The following SOX6 variants were observed in gnomAD, a reference collection of about 807,000 sequenced individuals.
SOX6 encodes the protein transcription factor SOX-6.
In SOX6, 11 loss-of-function variants were observed where a neutral mutation model predicts 97.8. The ratio of observed to expected loss-of-function variants is 0.11; its 90% CI spans 0.07 to 0.19. SOX6 has a LOEUF of 0.19. SOX6 is among the 10% of genes least tolerant of loss of function. The probability of loss-of-function intolerance (pLI) is 1.00; values close to 1 mark genes in which losing one functional copy is unlikely to be tolerated. For synonymous variants in SOX6, 360 were observed against 371.4 expected (o/e 0.97, Z 0.35); for missense variants, 810 against 1,039.5 (o/e 0.78, Z 3.04).
At chr11:16,329,684 A>C (rs985471075) in intron 2 of SOX6, among the ~76,000 whole-genome samples, 6 of 152,216 alleles carry the variant, frequency 3.9e-5, no homozygotes, top group African/African-American at 1.2e-4. Flanking sequence ...TAAATGATTT[A>C]ATAAAAATAA....
intron 1 of SOX6, among the ~76,000 whole-genome samples, chr11:16,386,964 C>T (rs890984547): frequency 1.3e-5 from 2 of 152,094 alleles, no homozygotes; most frequent in Non-Finnish European, 2.9e-5. Context: ...ATGTGAGTCA[C>T]TAAAATTATA....
chr11:16,691,335 C>A (rs1848011534), intron 3 of SOX6, among the ~76,000 whole-genome samples: 1 of 152,124 alleles, frequency 6.6e-6, no homozygotes. Context: ...CAAAGGCAAG[C>A]AAATTAAGGA....
chr11:16,583,359 T>A (rs547108700), intron 4 of SOX6, among the ~76,000 whole-genome samples: 1 of 151,668 alleles, frequency 6.6e-6, no homozygotes, highest in Admixed American at 6.6e-5. Flanking sequence ...CACCATGCAG[T>A]GCTGTAGAAC....
rs939979774 is a variant in SOX6 at position 16,148,000 on chromosome 11, T to C, written c.777+35886A>G. Among the ~76,000 whole-genome samples the C allele has an allele frequency of 2.0e-5, 3 of 152,196 alleles. No individual in the cohort carries two copies. In the East Asian group the frequency reaches 5.8e-4, roughly 29 times the overall value. ...CATAACTACTTTGTCAAAGCATCTT[T>C]TTATACATACACCAAATGCTAGTTA... On this transcript the variant is annotated intron_variant, in intron 6 of 15. Coordinates refer to ENST00000683767, the MANE Select transcript of SOX6 (RefSeq NM_001367873.1).
intron 12 of SOX6, among the ~76,000 whole-genome samples, chr11:16,016,809 C>T (rs184975274): frequency 5.3e-5 from 8 of 152,122 alleles, no homozygotes; most frequent in Non-Finnish European, 7.4e-5. Flanking sequence ...AATGCTTTCC[C>T]TATGTTAAAT....
intron 9 of SOX6, among the ~76,000 whole-genome samples, chr11:16,062,527 C>T (rs954013774): frequency 7.3e-5 from 11 of 151,394 alleles, no homozygotes; most frequent in Admixed American, 7.3e-4. Context: ...AGCCAAAGTC[C>T]CATAAACATT....
intron 1 of SOX6, among the ~76,000 whole-genome samples, chr11:16,401,958 C>T (rs1858570234): frequency 6.6e-6 from 1 of 151,400 alleles, no homozygotes; most frequent in Non-Finnish European, 1.5e-5. Flanking sequence ...ACACTTGTTC[C>T]TATATACTCT....
intron 3 of SOX6, among the ~76,000 whole-genome samples, chr11:16,629,152 G>A (rs1848668522): frequency 6.6e-6 from 1 of 152,200 alleles, no homozygotes; most frequent in Non-Finnish European, 1.5e-5. Context: ...TGGTATAACA[G>A]TGGGCATCCT....
At chr11:16,517,346 A>T (rs1860989806) in intron 4 of SOX6, among the ~76,000 whole-genome samples, 2 of 151,620 alleles carry the variant, frequency 1.3e-5, no homozygotes, top group Non-Finnish European at 2.9e-5. Context: ...AGGCAGGAGA[A>T]GGAAATAAAG....
intron 1 of SOX6, among the ~76,000 whole-genome samples, chr11:16,435,780 T>G (rs1859364517): frequency 6.6e-6 from 1 of 152,132 alleles, no homozygotes; most frequent in Non-Finnish European, 1.5e-5. Context: ...TTCTTCTCCC[T>G]TTTTGTTTCT....
intron 3 of SOX6, among the ~76,000 whole-genome samples, chr11:16,639,296 C>A (rs1260742229): frequency 2.0e-5 from 3 of 152,154 alleles, no homozygotes; most frequent in African/African-American, 7.2e-5. Context: ...GTACCAGTAC[C>A]ATGATGTTTT....
intron 9 of SOX6, among the ~76,000 whole-genome samples, chr11:16,060,058 A>G (rs557541474): frequency 1.3e-5 from 2 of 152,162 alleles, no homozygotes; most frequent in African/African-American, 4.8e-5. Flanking sequence ...TTTTACCTCA[A>G]TCATTAAAAA....
At chr11:16,295,197 T>G (rs1478478782) in intron 3 of SOX6, among the ~76,000 whole-genome samples, 3 of 152,128 alleles carry the variant, frequency 2.0e-5, no homozygotes, top group Admixed American at 6.6e-5. Context: ...TGCTATTTTT[T>G]CAAATCAAGA....
chr11:16,059,495 G>A (rs1387349177), intron 9 of SOX6, among the ~76,000 whole-genome samples: 1 of 151,780 alleles, frequency 6.6e-6, no homozygotes, highest in Non-Finnish European at 1.5e-5. Flanking sequence ...CTATCATTCA[G>A]ATGGACAAAT....
chr11:16,199,032 T>A (rs920541530), intron 4 of SOX6, among the ~76,000 whole-genome samples: 1 of 152,222 alleles, frequency 6.6e-6, no homozygotes, highest in African/African-American at 2.4e-5. Flanking sequence ...TACTACTGAT[T>A]TTGTGCTCAG....
chr11:16,006,965 A>G (rs565724069), intron 13 of SOX6, among the ~76,000 whole-genome samples: 194 of 152,174 alleles, frequency 1.3e-3, no homozygotes, highest in African/African-American at 4.3e-3. Flanking sequence ...CCGGAGATTC[A>G]GTCTACAGAG....
chr11:16,399,085 T>G (rs1236410317), intron 1 of SOX6, among the ~76,000 whole-genome samples: 4 of 151,298 alleles, frequency 2.6e-5, no homozygotes, highest in Non-Finnish European at 5.9e-5. Context: ...ACTTCCTAGA[T>G]TTACGATCTA....
intron 1 of SOX6, among the ~76,000 whole-genome samples, chr11:16,352,301 A>AT (rs1565107418): frequency 4.7e-5 from 6 of 128,750 alleles, no homozygotes; most frequent in Admixed American, 1.6e-4. Context: ...GATGGATGGA[A>AT]GGATGGATGG....
intron 13 of SOX6, among the ~76,000 whole-genome samples, chr11:16,011,241 C>T (rs1356238300): frequency 1.3e-5 from 2 of 152,040 alleles, no homozygotes; most frequent in South Asian, 2.1e-4. Flanking sequence ...ACTAATCAAG[C>T]CCTCTCTTCC....
Sources: gnomAD v4.1 joint callset for allele counts (sites outside exome capture counted in the v4.1 genomes callset) on GRCh38, gnomAD v4.1.1 for gene constraint, MANE v1.5 for transcripts, NCBI Gene and HGNC (gene_info 2026-07-23, HGNC 2026-07-21) for gene names.